The following PRR5L variants were observed in gnomAD, a reference collection of about 807,000 sequenced individuals.
The protein encoded by PRR5L is proline-rich protein 5-like.
In PRR5L, 21 loss-of-function variants were observed where a neutral mutation model predicts 36.4. The observed-to-expected ratio is 0.58, with a 90% CI of 0.41 to 0.83. PRR5L has a LOEUF of 0.83. Among genes scored for constraint, PRR5L ranks in the 40% least tolerant of loss-of-function variants. The probability of loss-of-function intolerance (pLI) is 0.00; values close to 1 mark genes in which losing one functional copy is unlikely to be tolerated. For missense variants in PRR5L, 381 were observed against 473.3 expected, an observed-to-expected ratio of 0.80 and a Z score of 1.81; for synonymous variants, 188 against 197.0, an observed-to-expected ratio of 0.95 and a Z score of 0.38.
rs1859062000 is a variant in PRR5L at position 36,456,547 on chromosome 11, A to T, written c.712+5212A>T. On this transcript the variant is annotated intron_variant, in intron 8 of 8. Coordinates refer to ENST00000530639, the MANE Select transcript of PRR5L (RefSeq NM_001160167.2). The stretch of plus-strand genomic sequence containing the variant: ...TGCTGTCGTCTCTATCTCTGACCTG[A>T]CATTTGCCACACTGACCTGTTCTAA... Among the ~76,000 whole-genome samples the T allele has an allele frequency of 2.0e-5, 3 of 152,192 alleles. No individual in the cohort carries two copies. The South Asian group carries it at 6.2e-4, about 31-fold the overall frequency.
chr11:36,378,069 A>C (rs1857308141), intron 1 of PRR5L, among the ~76,000 whole-genome samples: 1 of 152,104 alleles, frequency 6.6e-6, no homozygotes, highest in Admixed American at 6.5e-5. Flanking sequence ...GATCCTGACC[A>C]CCGTAGAAAT....
At chr11:36,402,487 C>A (rs1300710855) in intron 2 of PRR5L, among the ~76,000 whole-genome samples, 2 of 152,224 alleles carry the variant, frequency 1.3e-5, no homozygotes, top group Non-Finnish European at 2.9e-5. Context: ...AAGTGATCCA[C>A]CTGCCTCTGC....
At chr11:36,309,680 A>G (rs1856477702) in intron 1 of PRR5L, among the ~76,000 whole-genome samples, 1 of 106 alleles carries the variant, frequency 9.4e-3, no homozygotes, top group South Asian at 0.25. Flanking sequence ...TATGATTTCA[A>G]AGTCTCCAAA....
intron 3 of PRR5L, 88 bp downstream of exon 3, chr11:36,403,466 T>G (rs1857842847): frequency 3.5e-6 from 3 of 851,002 alleles, no homozygotes; most frequent in Admixed American, 2.8e-5. Flanking sequence ...CTTAAGGGTT[T>G]TTTTTTTTTT....
At chr11:36,319,889 A>G (rs1856596109) in intron 1 of PRR5L, among the ~76,000 whole-genome samples, 1 of 152,152 alleles carries the variant, frequency 6.6e-6, no homozygotes, top group Non-Finnish European at 1.5e-5. Context: ...TTGTGACTGA[A>G]GTCGCATGTC....
At chr11:36,455,196 C>G (rs534116009) in intron 8 of PRR5L, 3 of 152,340 alleles carry the variant, frequency 2.0e-5, no homozygotes, top group Non-Finnish European at 4.4e-5. Flanking sequence ...CAGGTGCCAG[C>G]CTGGAGAGGG....
rs562048631 is a variant in PRR5L at position 36,391,508 on chromosome 11, G to A, written c.-125-9489G>A. 7.2e-4 allele frequency among the ~76,000 whole-genome samples: 109 copies of A among 152,284 alleles called. 1 individual carries two copies. The highest frequency in any genetic ancestry group is 2.5e-3 in the Admixed American group (38 of 15,300). On this transcript the variant is annotated intron_variant, in intron 1 of 8. Coordinates refer to ENST00000530639, the MANE Select transcript of PRR5L (RefSeq NM_001160167.2). The stretch of plus-strand genomic sequence containing the variant: ...CCCTGTAACTGCCACCGAATTTCCC[G>A]GACCCAGGGCCTGGGCTTTCCAGAT...
intron 1 of PRR5L, among the ~76,000 whole-genome samples, chr11:36,388,843 C>T (rs995620724): frequency 6.6e-6 from 1 of 152,078 alleles, no homozygotes; most frequent in Admixed American, 6.5e-5. Flanking sequence ...GGACTACAGG[C>T]GCCCGCCACC....
intron 2 of PRR5L, 21 bp downstream of exon 2, chr11:36,401,306 TG>T: frequency 6.2e-7 from 1 of 1,605,552 alleles, no homozygotes. Flanking sequence ...CTGCAGGATG[TG>T]GGGTGGAGGG....
rs147844376 is a variant in PRR5L, at chr11:36,462,519, C to G, written c.890C>G (p.Ser297Trp). ...CGGCACACGGTGGCCAATGCCCACT[C>G]GGACATCCAGCTGCTGGCCATGGCC... ...VRRHTVANAH[S>W]DIQLLAMATM... The change falls in exon 9 of 9, where the codon TCG (serine) becomes TGG (tryptophan). Residue 297 changes from serine (S) to tryptophan (W), a missense_variant. Ser to Trp is a radical substitution (Grantham distance 177). Coordinates refer to ENST00000530639, the MANE Select transcript of PRR5L (RefSeq NM_001160167.2). The G allele has an allele frequency of 6.2e-6, 10 of 1,608,310 alleles. No individual in the cohort carries two copies. The highest frequency in any genetic ancestry group is 2.7e-5 in the African/African-American group (2 of 74,890).
intron 1 of PRR5L, among the ~76,000 whole-genome samples, chr11:36,394,234 G>A (rs1857614122): frequency 6.6e-6 from 1 of 152,188 alleles, no homozygotes; most frequent in Non-Finnish European, 1.5e-5. Flanking sequence ...TGCCCCACAG[G>A]AAGTGGTGAC....
At chr11:36,461,507 C>T (rs910473485) in intron 8 of PRR5L, among the ~76,000 whole-genome samples, 4 of 151,926 alleles carry the variant, frequency 2.6e-5, no homozygotes, top group Non-Finnish European at 5.9e-5. Flanking sequence ...CCTGTAGTCC[C>T]AGCAACTCAG....
At chr11:36,331,103 G>T (rs1457230122) in intron 1 of PRR5L, among the ~76,000 whole-genome samples, 1 of 152,098 alleles carries the variant, frequency 6.6e-6, no homozygotes, top group Non-Finnish European at 1.5e-5. Context: ...ACCACACCTG[G>T]TCCACATTGA....
chr11:36,373,265 A>C (rs1475459674), intron 1 of PRR5L, among the ~76,000 whole-genome samples: 1 of 152,226 alleles, frequency 6.6e-6, no homozygotes, highest in Admixed American at 6.5e-5. Flanking sequence ...ATGTTTAACT[A>C]GAATGACCAA....
chr11:36,455,976 A>C (rs1859049720), intron 8 of PRR5L, among the ~76,000 whole-genome samples: 1 of 152,202 alleles, frequency 6.6e-6, no homozygotes, highest in Admixed American at 6.5e-5. Context: ...AGAAAGTAGA[A>C]GGAAGAGCTG....
intron 1 of PRR5L, among the ~76,000 whole-genome samples, chr11:36,381,129 C>T (rs942902363): frequency 6.6e-6 from 1 of 152,220 alleles, no homozygotes; most frequent in Non-Finnish European, 1.5e-5. Flanking sequence ...ATGTTTCCCT[C>T]ACCCACACAT....
At chr11:36,425,143 C>A (rs564417794) in intron 4 of PRR5L, among the ~76,000 whole-genome samples, 99 of 152,292 alleles carry the variant, frequency 6.5e-4, no homozygotes, top group African/African-American at 2.3e-3. Context: ...TTTGATGAGT[C>A]CTGCATGATT....
chr11:36,347,753 A>C (rs547120718), intron 1 of PRR5L, among the ~76,000 whole-genome samples: 2 of 151,902 alleles, frequency 1.3e-5, no homozygotes, highest in East Asian at 1.9e-4. Context: ...TCCAGCCAGC[A>C]TGTAAGGGCG....
At chr11:36,350,944 A>T (rs1365652668) in intron 1 of PRR5L, among the ~76,000 whole-genome samples, 15 of 57,128 alleles carry the variant, frequency 2.6e-4, no homozygotes, top group Admixed American at 7.1e-4. Flanking sequence ...ATATTTATAT[A>T]TATATATTTA....
Sources: allele counts gnomAD v4.1 joint callset (sites outside exome capture counted in the v4.1 genomes callset), GRCh38; gene constraint gnomAD v4.1.1; transcripts MANE v1.5; gene names NCBI Gene and HGNC (gene_info 2026-07-23, HGNC 2026-07-21).